The following TRERF1 variants were observed in gnomAD, a reference collection of about 807,000 sequenced individuals.
TRERF1 encodes the protein transcriptional-regulating factor 1.
TRERF1 carries 27 observed loss-of-function variants against 122.9 expected under a neutral mutation model. That is an observed-to-expected ratio of 0.22 (90% CI 0.16 to 0.30). The LOEUF (loss-of-function observed/expected upper bound fraction) is 0.30, where lower values mean the gene tolerates loss of function less well. TRERF1 is among the 10% of genes least tolerant of loss of function. The pLI is 1.00. For missense variants in TRERF1, 1,248 were observed against 1,560.3 expected (o/e 0.80, Z 3.37); for synonymous variants, 636 against 641.7 (o/e 0.99, Z 0.13).
At chr6:42,331,329 A>C (rs1486385633) in intron 3 of TRERF1, among the ~76,000 whole-genome samples, 3 of 152,180 alleles carry the variant, frequency 2.0e-5, no homozygotes, top group Non-Finnish European at 4.4e-5. Flanking sequence ...AGAGTGAGAG[A>C]AGCAGCAAGG....
At chr6:42,436,008 T>C (rs1019768499) in intron 2 of TRERF1, among the ~76,000 whole-genome samples, 3 of 151,758 alleles carry the variant, frequency 2.0e-5, no homozygotes, top group Admixed American at 6.6e-5. Flanking sequence ...AAATAAGTTA[T>C]GGGACCCAGT....
chr6:42,417,593 C>T (rs972108379), intron 2 of TRERF1, among the ~76,000 whole-genome samples: 4 of 151,208 alleles, frequency 2.6e-5, no homozygotes, highest in Non-Finnish European at 4.4e-5. Flanking sequence ...AACGACTGGC[C>T]GGCCAGGAAA....
intron 2 of TRERF1, among the ~76,000 whole-genome samples, chr6:42,382,055 A>T (rs895986657): frequency 1.3e-5 from 2 of 151,894 alleles, no homozygotes; most frequent in African/African-American, 4.8e-5. Context: ...TTTACAGACA[A>T]GGCAACTGAG....
chr6:42,262,466 G>GAGAGAGAGAGAGAGAGAGAGAGAGACA (rs747014228), intron 8 of TRERF1, among the ~76,000 whole-genome samples: 2 of 6,408 alleles, frequency 3.1e-4, no homozygotes, highest in Non-Finnish European at 2.8e-4. Flanking sequence ...GAGAGAGAGA[G>GAGAGAGAGAGAGAGAGAGAGAGAGACA]GAGAGAGAGA....
chr6:42,355,394 A>G (rs182059139), intron 3 of TRERF1, among the ~76,000 whole-genome samples: 2 of 152,342 alleles, frequency 1.3e-5, no homozygotes, highest in East Asian at 1.9e-4. Flanking sequence ...CCAGGAATAT[A>G]ATCTATTTGG....
At chr6:42,265,169 A>G (rs1186448901) in intron 6 of TRERF1, among the ~76,000 whole-genome samples, 1 of 152,254 alleles carries the variant, frequency 6.6e-6, no homozygotes, top group Non-Finnish European at 1.5e-5. Context: ...TTCCAGGGTC[A>G]GCCTGAGCCC....
At chr6:42,310,268 C>A (rs1055761150) in intron 3 of TRERF1, among the ~76,000 whole-genome samples, 6 of 152,064 alleles carry the variant, frequency 3.9e-5, no homozygotes, top group Non-Finnish European at 8.8e-5. Flanking sequence ...CACGCCCCGG[C>A]CTACACATTT....
intron 4 of TRERF1, among the ~76,000 whole-genome samples, chr6:42,285,009 G>A (rs1349323305): frequency 6.6e-6 from 1 of 152,012 alleles, no homozygotes; most frequent in Non-Finnish European, 1.5e-5. Flanking sequence ...TTCTGACAAA[G>A]CTGACATTTA....
At chr6:42,430,432 C>T (rs1430031346) in intron 2 of TRERF1, among the ~76,000 whole-genome samples, 1 of 152,156 alleles carries the variant, frequency 6.6e-6, no homozygotes, top group Non-Finnish European at 1.5e-5. Context: ...TTAAGAGCTG[C>T]TGACCAAGAG....
In TRERF1 at chr6:42,370,632, A is replaced by G. The variant is rs148813702; in HGVS notation, c.-453-7553T>C. On this transcript the variant is annotated intron_variant, in intron 2 of 17. Coordinates refer to ENST00000372922, the Ensembl canonical transcript of TRERF1. ...CAGAGCAGGTCACAGACTGGCATAGAGAATTATCTCTTTTCTGTAAAATGA... is the reference window on the plus strand; with the variant it reads ...CAGAGCAGGTCACAGACTGGCATAGGGAATTATCTCTTTTCTGTAAAATGA... 3.9e-3 allele frequency among the ~76,000 whole-genome samples: 591 copies of G among 152,304 alleles called. 1 individual carries two copies. The highest frequency in any genetic ancestry group is 6.2e-3 in the Non-Finnish European group (419 of 68,022).
At chr6:42,365,009 GCAGGTCAGCACA>G (rs1388375132) in intron 2 of TRERF1, among the ~76,000 whole-genome samples, 4 of 152,146 alleles carry the variant, frequency 2.6e-5, no homozygotes, top group African/African-American at 9.7e-5. Context: ...GAGCCCAGAT[GCAGGTCAGCACA>G]CAGGAGGGCA....
At chr6:42,230,726 G>A (rs1770382422) in intron 17 of TRERF1, among the ~76,000 whole-genome samples, 1 of 152,150 alleles carries the variant, frequency 6.6e-6, no homozygotes, top group Admixed American at 6.5e-5. Flanking sequence ...AGGACAGCAG[G>A]GTGTGGAGGA....
At chr6:42,299,607 A>C (rs1785784293) in intron 4 of TRERF1, among the ~76,000 whole-genome samples, 1 of 152,244 alleles carries the variant, frequency 6.6e-6, no homozygotes, top group Admixed American at 6.5e-5. Context: ...CTGCACAATA[A>C]GCTAACTTAT....
chr6:42,396,214 G>A (rs1042152014), intron 2 of TRERF1, among the ~76,000 whole-genome samples: 2 of 152,166 alleles, frequency 1.3e-5, no homozygotes, highest in African/African-American at 2.4e-5. Context: ...TGGCCTCTGC[G>A]CGCTGAAGCT....
intron 2 of TRERF1, among the ~76,000 whole-genome samples, chr6:42,425,595 A>G (rs1489952806): frequency 1.6e-5 from 2 of 121,564 alleles, no homozygotes; most frequent in African/African-American, 3.2e-5. Flanking sequence ...CAGGGCTGGA[A>G]TGCAATGGTG....
exon 18 of TRERF1, chr6:42,226,833 A>G (rs1769612714): frequency 6.6e-6 from 1 of 152,288 alleles, no homozygotes; most frequent in African/African-American, 2.4e-5. Context: ...AGGCACACCT[A>G]CGTGGAGCTG....
rs1770762604 is a variant in TRERF1 at position 42,232,520 on chromosome 6, G to C, written c.3278+161C>G. The stretch of plus-strand genomic sequence containing the variant: ...AACAGAATGGCCATATTCTGAGTCT[G>C]CAACAGGACTACATACCCATCCCAA... On this transcript the variant is annotated intron_variant, in intron 17 of 17. Coordinates refer to ENST00000372922, the Ensembl canonical transcript of TRERF1. The surrounding 1 kb of genome is among the most constrained non-coding windows in gnomAD (Gnocchi z 4.5). Among the ~76,000 whole-genome samples the C allele has an allele frequency of 6.6e-6, 1 of 152,216 alleles. No individual in the cohort carries two copies. The highest frequency in any genetic ancestry group is 1.5e-5 in the Non-Finnish European group (1 of 68,032).
chr6:42,372,632 G>A (rs372858618), intron 2 of TRERF1, among the ~76,000 whole-genome samples: 62 of 152,304 alleles, frequency 4.1e-4, no homozygotes, highest in Admixed American at 6.5e-4. Flanking sequence ...TTGGAGATGC[G>A]CACACTCAAA....
intron 3 of TRERF1, among the ~76,000 whole-genome samples, chr6:42,313,663 T>C (rs1483799641): frequency 1.3e-5 from 2 of 151,456 alleles, no homozygotes; most frequent in Non-Finnish European, 2.9e-5. Context: ...GCCCCAGGAG[T>C]GGGATTTCTG....
Sources: gnomAD v4.1 joint callset for allele counts (sites outside exome capture counted in the v4.1 genomes callset) on GRCh38, gnomAD v4.1.1 for gene constraint, Gnocchi (gnomAD v3.1) non-coding constraint, MANE v1.5 for transcripts, NCBI Gene and HGNC (gene_info 2026-07-23, HGNC 2026-07-21) for gene names.